Variants in CCDC172 observed in about 807,000 individuals in gnomAD.
CCDC172 encodes the protein coiled-coil domain containing 172.
Under a neutral mutation model 38.0 loss-of-function variants are expected in CCDC172, and 30 were observed. That is an observed-to-expected ratio of 0.79 (90% confidence interval 0.59 to 1.07). The LOEUF (loss-of-function observed/expected upper bound fraction) is 1.07, where lower values mean the gene tolerates loss of function less well. Among genes scored for constraint, CCDC172 ranks in the 50% least tolerant of loss-of-function variants. The pLI is 0.00. For synonymous variants in CCDC172, 78 were observed against 88.3 expected, an observed-to-expected ratio of 0.88 and a Z score of 0.66; for missense variants, 297 against 290.1, an observed-to-expected ratio of 1.02 and a Z score of -0.17.
At chr10:116,368,873 C>G (rs1845155169) in intron 7 of CCDC172, among the ~76,000 whole-genome samples, 1 of 152,002 alleles carries the variant, frequency 6.6e-6, no homozygotes, top group African/African-American at 2.4e-5. Flanking sequence ...TCTCCTTCCT[C>G]CATTCTGTAT....
intron 3 of CCDC172, among the ~76,000 whole-genome samples, chr10:116,337,837 A>G (rs539912359): frequency 1.6e-4 from 25 of 152,328 alleles, no homozygotes; most frequent in South Asian, 4.1e-4. Flanking sequence ...GATCCTATCA[A>G]TACATTCAGG....
chr10:116,344,651 TAA>T (rs901337263), intron 5 of CCDC172, among the ~76,000 whole-genome samples: 38 of 152,274 alleles, frequency 2.5e-4, no homozygotes, highest in African/African-American at 8.7e-4. Flanking sequence ...TAGGCTACAC[TAA>T]GTTTGTAAAA....
At chr10:116,358,839 A>T (rs1006137487) in intron 7 of CCDC172, among the ~76,000 whole-genome samples, 2 of 152,150 alleles carry the variant, frequency 1.3e-5, no homozygotes, top group African/African-American at 4.8e-5. Context: ...ACTTTAAAAA[A>T]TGGTGATGCC....
chr10:116,354,541 T>C (rs930607683), intron 5 of CCDC172, among the ~76,000 whole-genome samples: 2 of 151,938 alleles, frequency 1.3e-5, no homozygotes, highest in Non-Finnish European at 1.5e-5. Flanking sequence ...CTGGGCAACA[T>C]GGTGAAACCC....
chr10:116,370,170 G>C (rs952573244), intron 7 of CCDC172, among the ~76,000 whole-genome samples: 1 of 148,714 alleles, frequency 6.7e-6, no homozygotes, highest in South Asian at 2.1e-4. Context: ...CTTTACTTAC[G>C]GTGGTTTTTG....
At chr10:116,370,232 A>G (rs1308149798) in intron 7 of CCDC172, among the ~76,000 whole-genome samples, 2 of 151,446 alleles carry the variant, frequency 1.3e-5, no homozygotes, top group African/African-American at 2.4e-5. Context: ...CTTTTATTGC[A>G]TTTGTGTTTT....
intron 6 of CCDC172, 78 bp downstream of exon 6, chr10:116,357,559 A>G: frequency 8.5e-7 from 1 of 1,176,410 alleles, no homozygotes; most frequent in Non-Finnish European, 1.1e-6. Flanking sequence ...TATTCTTTTA[A>G]AATATATTAA....
chr10:116,355,320 C>G (rs1056162370), intron 5 of CCDC172, among the ~76,000 whole-genome samples: 2 of 152,118 alleles, frequency 1.3e-5, no homozygotes, highest in Admixed American at 1.3e-4. Context: ...GGTGTGCCTA[C>G]AGTGTTCAGT....
intron 5 of CCDC172, among the ~76,000 whole-genome samples, chr10:116,342,976 T>G (rs1844815031): frequency 6.6e-6 from 1 of 152,076 alleles, no homozygotes; most frequent in Non-Finnish European, 1.5e-5. Flanking sequence ...TTCTTCTTCT[T>G]TTTTAATAAA....
At chr10:116,357,303 G>T in intron 5 of CCDC172, 77 bp from the exon 6 acceptor site, 1 of 822,382 alleles carries the variant, frequency 1.2e-6, no homozygotes, top group East Asian at 3.0e-5. Flanking sequence ...ATAGTTTTTA[G>T]TGTACAGGTC....
rs182101716 is a variant in CCDC172, at chr10:116,345,297, A to C, written c.448+3096A>C. Among the ~76,000 whole-genome samples the C allele has an allele frequency of 1.9e-3, 284 of 152,336 alleles. 1 individual carries two copies. The highest frequency in any genetic ancestry group is 6.3e-3 in the African/African-American group (260 of 41,600). ...GCTAGAAGAATTGGACATCCATTGC[A>C]AAACAATGATCCTTAACTCTTCACA... is the stretch of plus-strand genomic sequence containing the variant. On this transcript the variant is annotated intron_variant, in intron 5 of 8. Transcript: ENST00000333254.
intron 3 of CCDC172, 151 bp downstream of exon 3, chr10:116,325,539 G>A (rs1844581378): frequency 3.3e-6 from 2 of 604,900 alleles, no homozygotes; most frequent in Admixed American, 3.1e-5. Context: ...GCCTGGTGAT[G>A]TTTAAAGTTC....
chr10:116,333,349 G>A (rs925936310), intron 3 of CCDC172, among the ~76,000 whole-genome samples: 3 of 152,136 alleles, frequency 2.0e-5, no homozygotes, highest in East Asian at 3.8e-4. Flanking sequence ...AAGCTGATGT[G>A]AGTACCCCCA....
At chr10:116,368,992 TA>T (rs11285636) in intron 7 of CCDC172, among the ~76,000 whole-genome samples, 13,868 of 151,998 alleles carry the variant, frequency 0.091, 989 homozygotes, top group East Asian at 0.23. Context: ...ACTAGCCATG[TA>T]CCCCCACTAA....
intron 1 of CCDC172, 53 bp from the exon 2 acceptor site, chr10:116,324,894 G>A: frequency 1.2e-6 from 1 of 807,736 alleles, no homozygotes; most frequent in East Asian, 2.6e-5. Context: ...TTGGAGACAG[G>A]TCTATCTGGG....
chr10:116,332,708 A>T (rs1473715469), intron 3 of CCDC172, among the ~76,000 whole-genome samples: 1 of 152,162 alleles, frequency 6.6e-6, no homozygotes, highest in East Asian at 1.9e-4. Context: ...GATTTTAAAC[A>T]ATCTATAATT....
chr10:116,343,010 T>C (rs1844815427), intron 5 of CCDC172, among the ~76,000 whole-genome samples: 1 of 152,116 alleles, frequency 6.6e-6, no homozygotes, highest in South Asian at 2.1e-4. Context: ...GGTAGTTCTT[T>C]ATAGTAGTGC....
chr10:116,333,018 C>T (rs1844685102), intron 3 of CCDC172, among the ~76,000 whole-genome samples: 1 of 151,978 alleles, frequency 6.6e-6, no homozygotes, highest in African/African-American at 2.4e-5. Context: ...TCAGCTTGTT[C>T]TGTTTTTATC....
chr10:116,367,558 C>T (rs1021522824), intron 7 of CCDC172, among the ~76,000 whole-genome samples: 9 of 151,704 alleles, frequency 5.9e-5, no homozygotes, highest in East Asian at 1.9e-4. Context: ...GGCGTGGTGG[C>T]GGGTGTTTGT....
Sources: gnomAD v4.1 joint callset for allele counts (sites outside exome capture counted in the v4.1 genomes callset) on GRCh38, gnomAD v4.1.1 for gene constraint, MANE v1.5 for transcripts, NCBI Gene and HGNC (gene_info 2026-07-23, HGNC 2026-07-21) for gene names.